Variants in SHISA9 observed in about 807,000 individuals in gnomAD.
The protein encoded by SHISA9 is protein shisa-9.
SHISA9 carries 13 observed loss-of-function variants against 38.0 expected under a neutral mutation model. The ratio of observed to expected loss-of-function variants is 0.34; its 90% CI spans 0.22 to 0.54. SHISA9 has a LOEUF of 0.54. Ranked by LOEUF, SHISA9 falls within the 20% of genes least tolerant of loss-of-function variation. SHISA9 has a pLI of 0.91. For missense variants in SHISA9, 538 were observed against 575.8 expected (o/e 0.93, Z 0.67); for synonymous variants, 275 against 242.0 (o/e 1.14, Z -1.27).
At chr16:13,401,143 A>G in the SHISA9 span, among the ~76,000 whole-genome samples, 1 of 152,172 alleles carries the variant, frequency 6.6e-6, no homozygotes, top group East Asian at 1.9e-4. Flanking sequence ...ATTAAATAGA[A>G]TTTGTTGAGT....
the SHISA9 span, among the ~76,000 whole-genome samples, chr16:13,372,695 C>G: frequency 6.6e-6 from 1 of 152,178 alleles, no homozygotes; most frequent in Non-Finnish European, 1.5e-5. Flanking sequence ...ATTTAAGAAG[C>G]TCTTTTGATG....
chr16:13,399,685 G>A, the SHISA9 span, among the ~76,000 whole-genome samples: 4 of 152,238 alleles, frequency 2.6e-5, no homozygotes, highest in Non-Finnish European at 4.4e-5. Context: ...TCCCAGGCCA[G>A]CTAAATGTGG....
the SHISA9 span, among the ~76,000 whole-genome samples, chr16:13,335,326 G>C: frequency 6.6e-6 from 1 of 152,208 alleles, no homozygotes; most frequent in Non-Finnish European, 1.5e-5. Flanking sequence ...TGCAGAGGAA[G>C]AGAGAGATAG....
At chr16:13,151,814 G>A (rs189588071) in intron 2 of SHISA9, among the ~76,000 whole-genome samples, 118 of 152,306 alleles carry the variant, frequency 7.7e-4, no homozygotes, top group African/African-American at 2.6e-3. Context: ...ATGGAGCCAT[G>A]GATTCGCTGG....
the SHISA9 span, among the ~76,000 whole-genome samples, chr16:13,285,430 A>G: frequency 7.2e-6 from 1 of 139,820 alleles, no homozygotes; most frequent in African/African-American, 2.6e-5. Context: ...ATGAATGCAG[A>G]TTTAGATTAT....
intron 2 of SHISA9, among the ~76,000 whole-genome samples, chr16:12,994,555 G>C (rs1160187857): frequency 6.6e-6 from 1 of 152,128 alleles, no homozygotes; most frequent in Admixed American, 6.5e-5. Flanking sequence ...GGTGGTGGGT[G>C]GTTCTTCAGC....
chr16:13,294,989 G>T, the SHISA9 span, among the ~76,000 whole-genome samples: 2 of 152,022 alleles, frequency 1.3e-5, no homozygotes, highest in African/African-American at 4.8e-5. Flanking sequence ...ATATGCTTTT[G>T]TGGTAGGTAT....
chr16:12,966,850 G>A (rs1406566299), intron 2 of SHISA9, among the ~76,000 whole-genome samples: 1 of 152,138 alleles, frequency 6.6e-6, no homozygotes, highest in Non-Finnish European at 1.5e-5. Flanking sequence ...ATCTGTCCTG[G>A]GTGGTTAAAT....
the SHISA9 span, among the ~76,000 whole-genome samples, chr16:13,551,891 G>A: frequency 2.0e-5 from 3 of 152,170 alleles, no homozygotes; most frequent in Admixed American, 6.5e-5. Flanking sequence ...GCCAGGCAAG[G>A]TTGCAGGTGC....
At chr16:13,171,338 C>T (rs984621953) in intron 2 of SHISA9, among the ~76,000 whole-genome samples, 1 of 152,120 alleles carries the variant, frequency 6.6e-6, no homozygotes, top group Non-Finnish European at 1.5e-5. Flanking sequence ...AACATCCAAA[C>T]CATATCAGGC....
At chr16:13,227,370 A>G (rs1009468102) in intron 4 of SHISA9, among the ~76,000 whole-genome samples, 4 of 152,242 alleles carry the variant, frequency 2.6e-5, no homozygotes, top group African/African-American at 7.2e-5. Flanking sequence ...TGTTAGATAT[A>G]GCTGGAAGGA....
At chr16:13,080,164 G>A (rs2073631389) in intron 2 of SHISA9, among the ~76,000 whole-genome samples, 2 of 152,146 alleles carry the variant, frequency 1.3e-5, no homozygotes, top group African/African-American at 2.4e-5. Flanking sequence ...ACGAGGTCAG[G>A]AGATTGAGAC....
At chr16:13,375,798 A>G in the SHISA9 span, among the ~76,000 whole-genome samples, 1 of 152,348 alleles carries the variant, frequency 6.6e-6, no homozygotes, top group East Asian at 1.9e-4. Flanking sequence ...GCTATCCTGT[A>G]TTCATGGATA....
At chr16:13,045,219 C>G (rs1567193659) in intron 2 of SHISA9, among the ~76,000 whole-genome samples, 1 of 152,218 alleles carries the variant, frequency 6.6e-6, no homozygotes, top group Non-Finnish European at 1.5e-5. Flanking sequence ...CAAACTTCAT[C>G]TGGATACTTA....
chr16:12,968,854 T>A (rs1008777532), intron 2 of SHISA9, among the ~76,000 whole-genome samples: 1 of 152,052 alleles, frequency 6.6e-6, no homozygotes, highest in Non-Finnish European at 1.5e-5. Context: ...TGTGTTCCAA[T>A]AGAATTTTAT....
intron 2 of SHISA9, among the ~76,000 whole-genome samples, chr16:13,001,446 A>T (rs1010073198): frequency 2.0e-5 from 3 of 152,090 alleles, no homozygotes; most frequent in African/African-American, 7.2e-5. Context: ...AGAAACATTT[A>T]CCTAGACCTT....
chr16:13,343,483 C>T, the SHISA9 span, among the ~76,000 whole-genome samples: 2 of 152,028 alleles, frequency 1.3e-5, no homozygotes, highest in African/African-American at 4.8e-5. Flanking sequence ...GCTCCCACAC[C>T]ACATCCTCAG....
the SHISA9 span, among the ~76,000 whole-genome samples, chr16:13,512,417 T>G: frequency 6.6e-6 from 1 of 152,114 alleles, no homozygotes; most frequent in Middle Eastern, 3.2e-3. Context: ...ATCGTGAAAA[T>G]GGCCATACTG....
intron 2 of SHISA9, among the ~76,000 whole-genome samples, chr16:12,988,147 C>T (rs1435803762): frequency 1.3e-5 from 2 of 152,234 alleles, no homozygotes; most frequent in Admixed American, 6.5e-5. Context: ...AGGCTCCAGT[C>T]CAGATGGACC....
Sources: allele counts gnomAD v4.1 joint callset (sites outside exome capture counted in the v4.1 genomes callset), GRCh38; gene constraint gnomAD v4.1.1; transcripts MANE v1.5; gene names NCBI Gene and HGNC (gene_info 2026-07-23, HGNC 2026-07-21).